The following ELP4 variants were observed in gnomAD, a reference collection of about 807,000 sequenced individuals.
ELP4 encodes elongator acetyltransferase complex subunit 4, also known as elongator complex protein 4.
A neutral mutation model predicts 48.9 loss-of-function variants in ELP4; 51 were observed. The observed-to-expected ratio is 1.04, with a 90% CI of 0.83 to 1.32. ELP4 has a LOEUF of 1.32. ELP4 is among the 40% of genes most tolerant of loss of function. ELP4 has a pLI of 0.00. For synonymous variants in ELP4, 210 were observed against 189.2 expected (o/e 1.11, Z -0.90); for missense variants, 519 against 514.6 (o/e 1.01, Z -0.08).
intron 7 of ELP4, among the ~76,000 whole-genome samples, chr11:31,637,598 ACTTTTTAATGAGTTAT>A (rs1945008342): frequency 1.3e-5 from 2 of 151,934 alleles, no homozygotes; most frequent in South Asian, 4.1e-4. Flanking sequence ...ACCCTTTGAA[ACTTTTTAATGAGTTAT>A]CTTTTTCTTT....
chr11:31,616,564 A>C (rs1488229201), intron 5 of ELP4, among the ~76,000 whole-genome samples: 1 of 152,136 alleles, frequency 6.6e-6, no homozygotes, highest in African/African-American at 2.4e-5. Flanking sequence ...TAAAAGCAAA[A>C]ATAGACAAAT....
chr11:31,604,255 A>G (rs1013063086), intron 5 of ELP4, among the ~76,000 whole-genome samples: 1 of 151,852 alleles, frequency 6.6e-6, no homozygotes, highest in African/African-American at 2.4e-5. Flanking sequence ...ATAAATATGT[A>G]TTGATAATAA....
chr11:31,638,371 A>G (rs1429269964), intron 7 of ELP4, among the ~76,000 whole-genome samples: 1 of 151,892 alleles, frequency 6.6e-6, no homozygotes, highest in African/African-American at 2.4e-5. Context: ...ACTAGCCTAT[A>G]GCATATTTTC....
At chr11:31,673,289 T>C (rs1945847988) in intron 9 of ELP4, among the ~76,000 whole-genome samples, 1 of 152,102 alleles carries the variant, frequency 6.6e-6, no homozygotes, top group African/African-American at 2.4e-5. Context: ...GTGCTGGGAT[T>C]ACAGGCATGA....
At chr11:31,562,112 T>A (rs1406695918) in intron 3 of ELP4, among the ~76,000 whole-genome samples, 1 of 152,210 alleles carries the variant, frequency 6.6e-6, no homozygotes, top group Non-Finnish European at 1.5e-5. Flanking sequence ...GCCTGTACCT[T>A]ATTTTCCCAA....
chr11:31,755,762 C>G (rs1232622237), intron 9 of ELP4, among the ~76,000 whole-genome samples: 1 of 151,464 alleles, frequency 6.6e-6, no homozygotes, highest in Non-Finnish European at 1.5e-5. Flanking sequence ...TATTAGTGGA[C>G]CTGGACCTGG....
intron 4 of ELP4, 58 bp downstream of exon 4, chr11:31,594,959 A>G: frequency 6.9e-7 from 1 of 1,459,102 alleles, no homozygotes; most frequent in East Asian, 2.6e-5. Flanking sequence ...TTCATCTTAC[A>G]GAATCTCTTG....
intron 9 of ELP4, among the ~76,000 whole-genome samples, chr11:31,682,632 C>T (rs532030118): frequency 7.6e-4 from 116 of 152,082 alleles, no homozygotes; most frequent in African/African-American, 2.7e-3. Context: ...TACCATGTGC[C>T]GGGCCTTTTG....
intron 9 of ELP4, among the ~76,000 whole-genome samples, chr11:31,752,996 C>T (rs1214811853): frequency 2.0e-5 from 3 of 152,110 alleles, no homozygotes; most frequent in Admixed American, 6.5e-5. Flanking sequence ...GTCTATATTA[C>T]GGTTTACTCA....
intron 5 of ELP4, 88 bp downstream of exon 5, chr11:31,603,995 T>C (rs1042481276): frequency 2.1e-6 from 2 of 967,294 alleles, no homozygotes; most frequent in Non-Finnish European, 3.0e-6. Context: ...AATACACATC[T>C]AAGGGTAAAT....
chr11:31,643,005 G>C (rs1410677942), intron 7 of ELP4, among the ~76,000 whole-genome samples: 1 of 151,660 alleles, frequency 6.6e-6, no homozygotes, highest in African/African-American at 2.4e-5. Flanking sequence ...ACAGAACAAA[G>C]AAAGGTCTTA....
chr11:31,750,262 A>G (rs1565139927), intron 9 of ELP4, among the ~76,000 whole-genome samples: 1 of 152,176 alleles, frequency 6.6e-6, no homozygotes, highest in Non-Finnish European at 1.5e-5. Context: ...ACCCCAAGGA[A>G]GGGAGTACAG....
intron 3 of ELP4, among the ~76,000 whole-genome samples, chr11:31,545,906 A>G (rs557651267): frequency 1.9e-3 from 296 of 152,300 alleles, no homozygotes; most frequent in African/African-American, 6.6e-3. Flanking sequence ...TGAAGGAGAA[A>G]TAAAATCCTT....
rs1945258257 is a variant in ELP4, at chr11:31,648,714, A to G, written c.1036+865A>G. On this transcript the variant is annotated intron_variant, in intron 8 of 9. Transcript: ENST00000640961. ...TTTATAAGACAAGTATTATGAGCTTATGCATTTTGTAAAATATTTTATATT... is the reference window on the plus strand; with the variant it reads ...TTTATAAGACAAGTATTATGAGCTTGTGCATTTTGTAAAATATTTTATATT... 3 of 151,600 alleles carry G rather than the reference A, an allele frequency of 2.0e-5. No individual in the cohort carries two copies. The South Asian group carries it at 6.2e-4, about 31-fold the overall frequency. The allele number at this position is 151,600 out of a possible 1,614,324, so 9.4% of individuals were successfully genotyped here. A position where few individuals can be genotyped will look rare whatever the true frequency, so the allele number is the denominator to read the frequency against.
chr11:31,714,897 G>A, intron 9 of ELP4: 1 of 397,642 alleles, frequency 2.5e-6, no homozygotes, highest in Non-Finnish European at 4.4e-6. Flanking sequence ...CCTATTTTAA[G>A]GTCGACCAAT....
At chr11:31,579,453 A>G (rs1016291564) in intron 3 of ELP4, among the ~76,000 whole-genome samples, 1 of 152,196 alleles carries the variant, frequency 6.6e-6, no homozygotes, top group Non-Finnish European at 1.5e-5. Context: ...CCAAAGGATT[A>G]TAAATCATGC....
At chr11:31,618,258 AC>A (rs1384449928) in intron 5 of ELP4, among the ~76,000 whole-genome samples, 1 of 152,118 alleles carries the variant, frequency 6.6e-6, no homozygotes, top group East Asian at 1.9e-4. Flanking sequence ...ATAACACAAT[AC>A]CGTAGACTAA....
chr11:31,709,249 T>G (rs1043467797), intron 9 of ELP4, among the ~76,000 whole-genome samples: 2 of 152,110 alleles, frequency 1.3e-5, no homozygotes, highest in Admixed American at 1.3e-4. Flanking sequence ...AGGAACAAAT[T>G]GATGATACGT....
intron 3 of ELP4, among the ~76,000 whole-genome samples, chr11:31,571,928 A>C (rs1957199315): frequency 6.6e-6 from 1 of 152,204 alleles, no homozygotes; most frequent in Non-Finnish European, 1.5e-5. Flanking sequence ...AGCAGAGTAG[A>C]TTTAGCATAA....
Sources: gnomAD v4.1 joint callset for allele counts (sites outside exome capture counted in the v4.1 genomes callset) on GRCh38, gnomAD v4.1.1 for gene constraint, MANE v1.5 for transcripts, NCBI Gene and HGNC (gene_info 2026-07-23, HGNC 2026-07-21) for gene names.